SLC26A7: variants seen among roughly 807,000 people sequenced by gnomAD.
SLC26A7 encodes the protein anion exchange transporter.
In SLC26A7, 59 loss-of-function variants were observed where a neutral mutation model predicts 82.5. The ratio of observed to expected loss-of-function variants is 0.72; its 90% confidence interval spans 0.58 to 0.89. The LOEUF is 0.89. Among genes scored for constraint, SLC26A7 ranks in the 40% least tolerant of loss-of-function variants. The pLI, the probability that SLC26A7 is intolerant of heterozygous loss-of-function variation, is 0.00. For synonymous variants in SLC26A7, 271 were observed against 274.3 expected (o/e 0.99, Z 0.12); for missense variants, 820 against 793.0 (o/e 1.03, Z -0.41).
Position 91,311,143 on chromosome 8 carries a change from T to G in SLC26A7, c.478-7073T>G, listed in dbSNP as rs145574798. ...GGAAACAACTTCAGCAGTTAGAGTCTAGTGTTTCTTTTTGCCTTTAGTCTT... is the reference window on the plus strand; with the variant it reads ...GGAAACAACTTCAGCAGTTAGAGTCGAGTGTTTCTTTTTGCCTTTAGTCTT... On this transcript the variant is annotated intron_variant, in intron 4 of 18. Coordinates refer to ENST00000276609, the MANE Select transcript of SLC26A7 (RefSeq NM_052832.4). Among the ~76,000 whole-genome samples the G allele has an allele frequency of 4.1e-4, 63 of 152,306 alleles. No individual in the cohort carries two copies. The East Asian group carries it at 8.5e-3, about 21-fold the overall frequency.
At chr8:91,318,956 A>G (rs1812717223) in intron 5 of SLC26A7, among the ~76,000 whole-genome samples, 1 of 152,210 alleles carries the variant, frequency 6.6e-6, no homozygotes, top group African/African-American at 2.4e-5. Flanking sequence ...CTCAGATCCT[A>G]TTAGAGGTTT....
At position 91,394,033 on chromosome 8, in the gene SLC26A7, A is replaced by C; in HGVS notation, c.1929A>C (p.Ser643=). The change falls in exon 18 of 19, where the codon TCA becomes TCC. Residue 643 remains serine (S), a synonymous_variant. Transcript: ENST00000276609. ...CTGCTGCAATAAGTCATATCCATTC[A>C]AATAAGGTGAGTTGATTAAGTTGGG... ...SVSAAISHIH[S]NKNLSKLSDH... is the part of the protein sequence containing the mutation. 1 of 1,612,590 alleles carries C rather than the reference A, an allele frequency of 6.2e-7. No homozygotes were observed. The highest frequency in any genetic ancestry group is 8.5e-7 in the Non-Finnish European group (1 of 1,178,858).
intron 4 of SLC26A7, among the ~76,000 whole-genome samples, chr8:91,312,286 C>A (rs1251857579): frequency 6.6e-6 from 1 of 152,062 alleles, no homozygotes; most frequent in African/African-American, 2.4e-5. Context: ...TTTGGAATTT[C>A]CTTCCTTTAT....
At chr8:91,349,847 A>T (rs1478765457) in intron 9 of SLC26A7, among the ~76,000 whole-genome samples, 14 of 152,102 alleles carry the variant, frequency 9.2e-5, no homozygotes, top group Non-Finnish European at 8.8e-5. Flanking sequence ...TTTTCTTTTC[A>T]TGTAAACATG....
rs1448281800 is a variant in SLC26A7 at position 91,243,316 on chromosome 8, C to T, written c.-33-6303C>T. On this transcript the variant is annotated intron_variant, in intron 2 of 5. Coordinates refer to the SLC26A7 transcript ENST00000522862. Reference sequence around the variant, plus strand: ...AAATAACCTGATACAATATATAAAACGATGGTGTCAAGATTTTGGACATCA... The same window carrying T: ...AAATAACCTGATACAATATATAAAATGATGGTGTCAAGATTTTGGACATCA... Among the ~76,000 whole-genome samples the T allele has an allele frequency of 2.0e-5, 3 of 152,238 alleles. No individual in the cohort carries two copies. The South Asian group carries it at 6.2e-4, about 32-fold the overall frequency.
At chr8:91,314,243 T>A (rs1812568172) in intron 4 of SLC26A7, among the ~76,000 whole-genome samples, 1 of 152,178 alleles carries the variant, frequency 6.6e-6, no homozygotes. Flanking sequence ...GCTTTAAAAA[T>A]CCTTGACATT....
chr8:91,266,310 G>A (rs115428820), intron 2 of SLC26A7, among the ~76,000 whole-genome samples: 30 of 151,904 alleles, frequency 2.0e-4, no homozygotes, highest in South Asian at 8.3e-4. Context: ...CATTTAATCT[G>A]TAGATTTCTT....
At chr8:91,351,074 G>T (rs951980412) in intron 9 of SLC26A7, among the ~76,000 whole-genome samples, 12 of 152,188 alleles carry the variant, frequency 7.9e-5, no homozygotes, top group African/African-American at 2.9e-4. Context: ...GCCTGTGAAA[G>T]CCTTCTTTTC....
At chr8:91,259,209 T>C (rs1810892413) in intron 2 of SLC26A7, among the ~76,000 whole-genome samples, 1 of 152,094 alleles carries the variant, frequency 6.6e-6, no homozygotes, top group East Asian at 1.9e-4. Flanking sequence ...AGTCATCTAA[T>C]CACACAGGTT....
chr8:91,393,635 G>A (rs549724374), intron 16 of SLC26A7, among the ~76,000 whole-genome samples, 162 bp from the exon 17 acceptor site: 5 of 152,204 alleles, frequency 3.3e-5, no homozygotes, highest in East Asian at 1.9e-4. Flanking sequence ...TCTTTTAGAC[G>A]CTTGCCAGAT....
Position 91,343,381 on chromosome 8 carries a change from T to C in SLC26A7, c.1055T>C (p.Ile352Thr). The C allele has an allele frequency of 6.2e-7, 1 of 1,612,194 alleles. No individual in the cohort carries two copies. Among genetic ancestry groups the C allele is most frequent in the South Asian group, 1.1e-5 (1 of 90,726 alleles). ...TTTTTGGCCCATGGCCTCAGCAATA[T>C]AGTTTCTTCATTTTTCTTCTGCATA... Reference protein sequence around the residue: ...QEFLAHGLSNIVSSFFFCIPS... With the variant: ...QEFLAHGLSNTVSSFFFCIPS... The change falls in exon 9 of 19, where the codon ATA becomes ACA. Residue 352 changes from isoleucine (I) to threonine (T), a missense_variant. Coordinates refer to ENST00000276609, the MANE Select transcript of SLC26A7 (RefSeq NM_052832.4).
At chr8:91,235,547 G>C (rs1269901596) in intron 2 of SLC26A7, among the ~76,000 whole-genome samples, 1 of 152,174 alleles carries the variant, frequency 6.6e-6, no homozygotes, top group Admixed American at 6.5e-5. Flanking sequence ...GGGTGAAGGG[G>C]AGTCTGGGGG....
intron 2 of SLC26A7, among the ~76,000 whole-genome samples, chr8:91,230,764 T>C (rs1163153172): frequency 6.6e-6 from 1 of 152,244 alleles, no homozygotes; most frequent in African/African-American, 2.4e-5. Flanking sequence ...GCTTATGCTT[T>C]ATGTATACTG....
intron 2 of SLC26A7, among the ~76,000 whole-genome samples, chr8:91,255,373 A>G (rs543753051): frequency 2.0e-5 from 3 of 152,280 alleles, no homozygotes; most frequent in Non-Finnish European, 4.4e-5. Flanking sequence ...AGTGACATGC[A>G]GAACAATAAG....
chr8:91,300,610 G>T (rs1440529796), intron 4 of SLC26A7, among the ~76,000 whole-genome samples: 1 of 152,042 alleles, frequency 6.6e-6, no homozygotes, highest in Non-Finnish European at 1.5e-5. Context: ...TTATAGCCGG[G>T]ATGGTCTCGA....
At chr8:91,269,426 C>A (rs574049880) in intron 2 of SLC26A7, among the ~76,000 whole-genome samples, 8 of 151,940 alleles carry the variant, frequency 5.3e-5, no homozygotes, top group Admixed American at 1.3e-4. Context: ...GTTGTTTTCC[C>A]TTAGCACTTT....
At chr8:91,371,993 T>A (rs1814375735) in intron 15 of SLC26A7, among the ~76,000 whole-genome samples, 1 of 152,168 alleles carries the variant, frequency 6.6e-6, no homozygotes, top group Non-Finnish European at 1.5e-5. Context: ...TGATTAATGA[T>A]GTTGAGCATT....
chr8:91,321,180 A>G (rs921972907), intron 5 of SLC26A7, among the ~76,000 whole-genome samples: 4 of 152,146 alleles, frequency 2.6e-5, no homozygotes, highest in African/African-American at 9.7e-5. Flanking sequence ...AACAGCTAAT[A>G]TTTCCATCTC....
chr8:91,240,969 T>C (rs1429261736), intron 2 of SLC26A7, among the ~76,000 whole-genome samples: 1 of 152,068 alleles, frequency 6.6e-6, no homozygotes, highest in Non-Finnish European at 1.5e-5. Flanking sequence ...CACTGGCACA[T>C]AGAAAAAAAT....
Sources: gnomAD v4.1 joint callset for allele counts (sites outside exome capture counted in the v4.1 genomes callset) on GRCh38, gnomAD v4.1.1 for gene constraint, MANE v1.5 for transcripts, NCBI Gene and HGNC (gene_info 2026-07-23, HGNC 2026-07-21) for gene names.